Variants in RAB3IP observed in about 807,000 individuals in gnomAD.
RAB3IP encodes the protein RAB3A interacting protein, also known as rab-3A-interacting protein.
A neutral mutation model predicts 59.1 loss-of-function variants in RAB3IP; 36 were observed. That is an observed-to-expected ratio of 0.61 (90% CI 0.47 to 0.80). RAB3IP has a LOEUF of 0.80. Ranked by LOEUF, RAB3IP falls within the 30% of genes least tolerant of loss-of-function variation. The pLI is 0.00. For synonymous variants in RAB3IP, 207 were observed against 191.2 expected, an observed-to-expected ratio of 1.08 and a Z score of -0.68; for missense variants, 511 against 536.0, an observed-to-expected ratio of 0.95 and a Z score of 0.46.
Position 69,759,255 on chromosome 12 carries a change from A to G in RAB3IP, c.510+2592A>G, listed in dbSNP as rs1870787713. 5.4e-5 allele frequency among the ~76,000 whole-genome samples: 8 copies of G among 148,294 alleles called. No individual in the cohort carries two copies. The South Asian group carries it at 1.8e-3, about 33-fold the overall frequency. On this transcript the variant is annotated intron_variant, in intron 3 of 10. Transcript: ENST00000247833. The stretch of plus-strand genomic sequence containing the variant: ...ATCTTGCACCGCCCTTAATCCATTT[A>G]ACCCTGAGTGGACACAGCACATGTT...
intron 10 of RAB3IP, among the ~76,000 whole-genome samples, chr12:69,814,196 T>G (rs746618968): frequency 2.0e-5 from 3 of 152,188 alleles, no homozygotes; most frequent in Non-Finnish European, 4.4e-5. Context: ...AAGAATATAA[T>G]ATTTTTCTGT....
intron 3 of RAB3IP, among the ~76,000 whole-genome samples, chr12:69,763,490 T>G (rs1298093499): frequency 6.6e-6 from 1 of 152,244 alleles, no homozygotes; most frequent in Non-Finnish European, 1.5e-5. Flanking sequence ...TTCCACCTCT[T>G]GGTAGCCATT....
rs540582374 is a variant in RAB3IP, at chr12:69,782,343, T to C, written c.511-2377T>C. ...CCATGCGTGGCTAATTTTTGTATTT[T>C]TAGTAGAGACGGGGTTTCACCATGT... On this transcript the variant is annotated intron_variant, in intron 3 of 10. Coordinates refer to ENST00000247833, the MANE Select transcript of RAB3IP (RefSeq NM_022456.5). Among the ~76,000 whole-genome samples the C allele has an allele frequency of 1.8e-4, 28 of 152,304 alleles. No homozygotes were observed. In the South Asian group the frequency reaches 5.2e-3, roughly 28 times the overall value.
chr12:69,772,096 C>T (rs1873215218), intron 3 of RAB3IP, among the ~76,000 whole-genome samples: 2 of 152,274 alleles, frequency 1.3e-5, no homozygotes, highest in South Asian at 4.1e-4. Context: ...TTAATATTTG[C>T]TCCAATGTAA....
At chr12:69,771,097 A>T (rs1365428473) in intron 3 of RAB3IP, among the ~76,000 whole-genome samples, 1 of 152,178 alleles carries the variant, frequency 6.6e-6, no homozygotes, top group Non-Finnish European at 1.5e-5. Context: ...TATGAGTGAG[A>T]TCATGCAATA....
At chr12:69,743,436 A>G (rs1349521094) in intron 1 of RAB3IP, among the ~76,000 whole-genome samples, 1 of 152,202 alleles carries the variant, frequency 6.6e-6, no homozygotes, top group Admixed American at 6.5e-5. Flanking sequence ...TTGTAAGACA[A>G]ACCCCTCAGT....
chr12:69,772,448 G>T (rs1411718619), intron 3 of RAB3IP, among the ~76,000 whole-genome samples: 1 of 152,002 alleles, frequency 6.6e-6, no homozygotes, highest in African/African-American at 2.4e-5. Flanking sequence ...TGCAATTTTG[G>T]TACTTCTTTT....
chr12:69,797,905 T>G (rs1411525487), intron 6 of RAB3IP, among the ~76,000 whole-genome samples: 1 of 152,226 alleles, frequency 6.6e-6, no homozygotes, highest in Non-Finnish European at 1.5e-5. Flanking sequence ...TGCCACATTT[T>G]CTTAATCCAG....
intron 4 of RAB3IP, among the ~76,000 whole-genome samples, chr12:69,785,749 C>T (rs901163423): frequency 4.6e-5 from 7 of 152,206 alleles, no homozygotes; most frequent in African/African-American, 1.4e-4. Context: ...TAATGTTTGA[C>T]TACATATTCG....
At chr12:69,754,863 T>C (rs960756863) in intron 1 of RAB3IP, among the ~76,000 whole-genome samples, 6 of 152,238 alleles carry the variant, frequency 3.9e-5, no homozygotes, top group South Asian at 4.1e-4. Flanking sequence ...TTAAATAGTA[T>C]ACTGAGATAA....
intron 3 of RAB3IP, among the ~76,000 whole-genome samples, chr12:69,766,972 T>C (rs896157760): frequency 3.3e-5 from 5 of 152,252 alleles, no homozygotes; most frequent in African/African-American, 1.2e-4. Context: ...TTATCTGTCA[T>C]TTCTGAGTTC....
In RAB3IP at chr12:69,822,967, T is replaced by C. The variant is rs894806686; in HGVS notation, c.*7521T>C. ...TATTGTTTAATATATCCTGTACCAC[T>C]GTAGGATGACTGTAGTTAACAATAA... On this transcript the variant is annotated 3_prime_UTR_variant, in exon 11 of 11. Coordinates refer to ENST00000247833, the MANE Select transcript of RAB3IP (RefSeq NM_022456.5). 6.6e-6 allele frequency: 1 copy of C among 152,186 alleles called. No homozygotes were observed. The highest frequency in any genetic ancestry group is 1.5e-5 in the Non-Finnish European group (1 of 68,030). 9.4% of individuals were successfully genotyped at this position (152,186 alleles called of 1,614,324 possible).
intron 3 of RAB3IP, among the ~76,000 whole-genome samples, chr12:69,770,066 A>G (rs997964385): frequency 2.0e-5 from 3 of 149,860 alleles, no homozygotes; most frequent in African/African-American, 7.4e-5. Context: ...ATAAAAGTCT[A>G]TGTCTTCATC....
intron 3 of RAB3IP, among the ~76,000 whole-genome samples, chr12:69,767,034 G>A (rs1032584775): frequency 6.6e-6 from 1 of 152,180 alleles, no homozygotes; most frequent in Non-Finnish European, 1.5e-5. Context: ...CCTTGGTGGT[G>A]TTACTACATT....
At chr12:69,807,007 C>G (rs1197194936) in intron 8 of RAB3IP, among the ~76,000 whole-genome samples, 4 of 152,186 alleles carry the variant, frequency 2.6e-5, no homozygotes, top group Admixed American at 2.0e-4. Flanking sequence ...ACAATCTGAT[C>G]TCTCTTTCTT....
chr12:69,799,668 G>A (rs1878067683), intron 6 of RAB3IP, among the ~76,000 whole-genome samples: 1 of 151,918 alleles, frequency 6.6e-6, no homozygotes, highest in South Asian at 2.1e-4. Flanking sequence ...ATTCTTTTTG[G>A]AATGCCTTCA....
chr12:69,738,841 C>T (rs1038226140), upstream of RAB3IP: 1 of 152,258 alleles, frequency 6.6e-6, no homozygotes, highest in Non-Finnish European at 1.5e-5. Flanking sequence ...GGCTCCCGGC[C>T]CCCGGCCCCG....
chr12:69,775,866 A>T (rs1355346610), intron 3 of RAB3IP, among the ~76,000 whole-genome samples: 1 of 103,900 alleles, frequency 9.6e-6, no homozygotes, highest in Non-Finnish European at 2.0e-5. Context: ...ATATTGGTCT[A>T]AAATTCTCTT....
chr12:69,763,882 A>G (rs1264528740), intron 3 of RAB3IP, among the ~76,000 whole-genome samples: 1 of 152,082 alleles, frequency 6.6e-6, no homozygotes, highest in Non-Finnish European at 1.5e-5. Context: ...TCCTATGTTA[A>G]TTTGCTTAGG....
Sources: allele counts gnomAD v4.1 joint callset (sites outside exome capture counted in the v4.1 genomes callset), GRCh38; gene constraint gnomAD v4.1.1; transcripts MANE v1.5; gene names NCBI Gene and HGNC (gene_info 2026-07-23, HGNC 2026-07-21).